The following CFAP46 variants were observed in gnomAD, a reference collection of about 807,000 sequenced individuals.
CFAP46 encodes cilia and flagella associated protein 46, also known as cilia- and flagella-associated protein 46.
Under a neutral mutation model 325.7 loss-of-function variants are expected in CFAP46, and 245 were observed. The observed-to-expected ratio is 0.75, with a 90% CI of 0.68 to 0.84. The LOEUF (loss-of-function observed/expected upper bound fraction) is 0.84. Ranked by LOEUF, CFAP46 falls within the 40% of genes least tolerant of loss-of-function variation. CFAP46 has a pLI of 0.00. For synonymous variants in CFAP46, 1,523 were observed against 1,495.9 expected (o/e 1.02, Z -0.42); for missense variants, 3,346 against 3,543.0 (o/e 0.94, Z 1.41).
rs903320665 is a variant in CFAP46 at position 132,922,094 on chromosome 10, CA to C, written c.1606+9del. The C allele has an allele frequency of 1.2e-5, 18 of 1,549,526 alleles. No homozygotes were observed. Among genetic ancestry groups the C allele is most frequent in the Non-Finnish European group, 1.5e-5 (17 of 1,146,556 alleles). ...CGTTCTGGGCTGGGAGAGCCCAGTG[CA>C]GAGCTCACCTTTGGCCTCATTCTCA... On this transcript the variant is annotated intron_variant, in intron 13 of 57. Transcript: ENST00000368586.
chr10:132,834,802 C>T lies in CFAP46; in HGVS notation c.6745-27G>A, dbSNP rs374184503. On this transcript the variant is annotated intron_variant, in intron 47 of 57. Coordinates refer to ENST00000368586, the MANE Select transcript of CFAP46 (RefSeq NM_001200049.3). ...TACCGCAATCCAAAAAAGAGGCCCC[C>T]GTAGCAAACAGGGCGCATGGCCCAG... is the stretch of plus-strand genomic sequence containing the variant. 205 of 1,603,620 alleles carry T rather than the reference C, an allele frequency of 1.3e-4. No individual in the cohort carries two copies. In the African/African-American group the frequency reaches 2.2e-3, roughly 18 times the overall value.
chr10:132,914,091 C>CTTGAGCCTCCTGGCTTCGCTCCA (rs1591088200), intron 17 of CFAP46, among the ~76,000 whole-genome samples: 2 of 120,208 alleles, frequency 1.7e-5, no homozygotes, highest in East Asian at 5.4e-4. Flanking sequence ...ACACTGCACC[C>CTTGAGCCTCCTGGCTTCGCTCCA]CGGCCCGAGG....
Position 132,829,680 on chromosome 10 carries a change from G to A in CFAP46, c.7117+3678C>T, listed in dbSNP as rs1011249486. ...GGTGTTCTGCAGATGTCCTTTGCCA[G>A]CTGGAAGAAGCCGCCTTCCCCTCCT... On this transcript the variant is annotated intron_variant, in intron 50 of 57. Coordinates refer to ENST00000368586, the MANE Select transcript of CFAP46 (RefSeq NM_001200049.3). Among the ~76,000 whole-genome samples, 12 of 152,250 alleles carry A rather than the reference G, an allele frequency of 7.9e-5. 1 individual carries two copies. Among genetic ancestry groups the A allele is most frequent in the Admixed American group, 6.5e-4 (10 of 15,290 alleles).
At position 132,892,360 on chromosome 10, in the gene CFAP46, C is replaced by T. The variant is rs989142342; in HGVS notation, c.3277G>A (p.Gly1093Arg). 18 of 1,550,762 alleles carry T rather than the reference C, an allele frequency of 1.2e-5. No homozygotes were observed. Among genetic ancestry groups the T allele is most frequent in the South Asian group, 4.8e-5 (4 of 84,068 alleles). ...QWPTADFQGG[G>R]TTEGYFLPGA... ...GGAAGAAAATATCCTTCGGTCGTCC[C>T]GCCACCCTGGAAGTCGGCCGTGGGC... Residue 1093 changes from glycine to arginine, a missense_variant, in exon 25 of 58, where the codon GGG (glycine) becomes AGG (arginine). Coordinates refer to ENST00000368586, the MANE Select transcript of CFAP46 (RefSeq NM_001200049.3).
chr10:132,877,963 C>CTCTCCT lies in CFAP46; in HGVS notation c.4124_4129dup (p.Lys1375_Glu1376dup). The CTCTCCT allele has an allele frequency of 1.9e-6, 3 of 1,549,216 alleles. No individual in the cohort carries two copies. The highest frequency in any genetic ancestry group is 1.7e-6 in the Non-Finnish European group (2 of 1,146,834). ...CCTCTCATTCTCCTTCTCTTTACTC[C>CTCTCCT]TCTCCTTCTCCTTCTCTTTACTCCT... On this transcript the variant is annotated inframe_insertion, in exon 30 of 58. Coordinates refer to ENST00000368586, the MANE Select transcript of CFAP46 (RefSeq NM_001200049.3). The surrounding 1 kb of genome is among the most constrained non-coding windows in gnomAD (Gnocchi z 5.7).
At position 132,817,562 on chromosome 10, in the gene CFAP46, T is replaced by C. The variant is rs558875399; in HGVS notation, c.7118-2648A>G. Among the ~76,000 whole-genome samples, 64 of 152,388 alleles carry C rather than the reference T, an allele frequency of 4.2e-4. No individual in the cohort carries two copies. Among genetic ancestry groups the C allele is most frequent in the Non-Finnish European group, 7.1e-4 (48 of 68,038 alleles). On this transcript the variant is annotated intron_variant, in intron 50 of 57. Coordinates refer to ENST00000368586, the MANE Select transcript of CFAP46 (RefSeq NM_001200049.3). This position sits in a 1 kb window ranked among gnomAD's most constrained non-coding sequence, Gnocchi z 4.4. ...ATTGAGGTAACCGGCCCCTTCGTCT[T>C]CCTCATTCATTCTTCCTTCTCTATT...
intron 35 of CFAP46, among the ~76,000 whole-genome samples, chr10:132,861,499 G>A (rs1400822127): frequency 3.3e-5 from 5 of 152,326 alleles, no homozygotes; most frequent in Non-Finnish European, 5.9e-5. Flanking sequence ...CGCTTGGGGC[G>A]AAAGGCTTCG....
rs1847831045 is a variant in CFAP46, at chr10:132,821,580, G to C, written c.7118-6666C>G. 2.9e-5 allele frequency among the ~76,000 whole-genome samples: 4 copies of C among 139,464 alleles called. No individual in the cohort carries two copies. The South Asian group carries it at 9.5e-4, about 33-fold the overall frequency. The allele number at this position is 139,464 out of a possible 152,430, so 91.5% of individuals were successfully genotyped here. A position where few individuals can be genotyped will look rare whatever the true frequency, so the allele number is the denominator to read the frequency against. ...ACGTGTGCTGTGTGTGCGCTGATGT[G>C]TGCTGTGTGTGTGCTGTGTGCTGTG... On this transcript the variant is annotated intron_variant, in intron 50 of 57. Coordinates refer to ENST00000368586, the MANE Select transcript of CFAP46 (RefSeq NM_001200049.3).
rs377539878 is a variant in CFAP46 at position 132,832,964 on chromosome 10, T to TTA, written c.7117+392_7117+393dup. Among the ~76,000 whole-genome samples, 25 of 152,270 alleles carry TTA rather than the reference T, an allele frequency of 1.6e-4. No individual in the cohort carries two copies. The highest frequency in any genetic ancestry group is 1.2e-3 in the Admixed American group (18 of 15,300). On this transcript the variant is annotated intron_variant, in intron 50 of 57. Transcript: ENST00000368586. The surrounding 1 kb of genome is among the most constrained non-coding windows in gnomAD (Gnocchi z 4.1). ...GTATTTTATAAATAGTTTTGAGTGT[T>TTA]TATATATATACATATATATTTTATT...
rs770543248 is a variant in CFAP46, at chr10:132,912,717, G to A, written c.2437C>T (p.Pro813Ser). 2.6e-6 allele frequency: 4 copies of A among 1,550,224 alleles called. No individual in the cohort carries two copies. The South Asian group carries it at 4.8e-5, about 18-fold the overall frequency. ...AAEKSRKFMR[P>S]NAFHSPLDAG... ...TCCAGTGGGCTGTGAAACGCGTTTG[G>A]TCGCATGAATTTCCTGGACTTCTCG... is the stretch of plus-strand genomic sequence containing the variant. Residue 813 changes from proline to serine, a missense_variant, in exon 19 of 58, where the codon CCA becomes TCA. Coordinates refer to ENST00000368586, the MANE Select transcript of CFAP46 (RefSeq NM_001200049.3).
chr10:132,861,841 G>A (rs1238662566), intron 35 of CFAP46, among the ~76,000 whole-genome samples: 1 of 152,240 alleles, frequency 6.6e-6, no homozygotes, highest in Admixed American at 6.5e-5. Context: ...TGTAGCTGCA[G>A]GTGTGGGGAC....
chr10:132,811,970 C>G (rs1487163000), intron 55 of CFAP46, among the ~76,000 whole-genome samples: 1 of 152,252 alleles, frequency 6.6e-6, no homozygotes, highest in Non-Finnish European at 1.5e-5. Flanking sequence ...CCTGTCAACC[C>G]CACACAGTGG....
At chr10:132,942,379 G>C in intron 1 of CFAP46, 57 bp downstream of exon 1, 3 of 707,730 alleles carry the variant, frequency 4.2e-6, no homozygotes, top group African/African-American at 4.1e-5. Flanking sequence ...CGGGGCGGGG[G>C]TCGTGGCGGG....
rs952222069 is a variant in CFAP46 at position 132,817,610 on chromosome 10, T to C, written c.7118-2696A>G. Among the ~76,000 whole-genome samples the C allele has an allele frequency of 1.3e-5, 2 of 152,208 alleles. No homozygotes were observed. Among genetic ancestry groups the C allele is most frequent in the African/African-American group, 4.8e-5 (2 of 41,458 alleles). The stretch of plus-strand genomic sequence containing the variant: ...ATTTGTTGGGAGTTTGCACACCGAC[T>C]CTCTGGTGGTGTCCTTAGCGCTTTA... On this transcript the variant is annotated intron_variant, in intron 50 of 57. Transcript: ENST00000368586. The surrounding 1 kb of genome is among the most constrained non-coding windows in gnomAD (Gnocchi z 4.4).
At chr10:132,913,380 G>GTT in intron 17 of CFAP46, 122 bp from the exon 18 acceptor site, 1 of 505,362 alleles carries the variant, frequency 2.0e-6, no homozygotes, top group Non-Finnish European at 3.6e-6. Context: ...GGGGCGGGTG[G>GTT]GCGGCGACCA....
intron 9 of CFAP46, chr10:132,929,452 T>C (rs1849857895): frequency 1.4e-6 from 1 of 724,466 alleles, no homozygotes; most frequent in Non-Finnish European, 2.6e-6. Flanking sequence ...TAAATTGGAC[T>C]CTAGAAACAA....
At chr10:132,933,771 A>G (rs1849949922) in intron 8 of CFAP46, among the ~76,000 whole-genome samples, 3 of 152,248 alleles carry the variant, frequency 2.0e-5, no homozygotes, top group Admixed American at 2.0e-4. Context: ...GCACTGATGA[A>G]GCAAGCTGTC....
chr10:132,851,391 G>A (rs1054486036), intron 39 of CFAP46, 86 bp from the exon 40 acceptor site: 34 of 1,325,712 alleles, frequency 2.6e-5, no homozygotes, highest in South Asian at 8.3e-5. Context: ...AGGCATAACC[G>A]ACGTAAGAAA....
At chr10:132,899,504 G>GAGCCCACCCC in intron 23 of CFAP46, 31 bp downstream of exon 23, 1 of 1,527,390 alleles carries the variant, frequency 6.5e-7, no homozygotes, top group Non-Finnish European at 8.8e-7. Context: ...GGGAGGGACA[G>GAGCCCACCCC]AGCCCACCCC....
Sources: gnomAD v4.1 joint callset for allele counts (sites outside exome capture counted in the v4.1 genomes callset) on GRCh38, gnomAD v4.1.1 for gene constraint, Gnocchi (gnomAD v3.1) non-coding constraint, MANE v1.5 for transcripts, NCBI Gene and HGNC (gene_info 2026-07-23, HGNC 2026-07-21) for gene names.